HSD17B12: variants seen among roughly 807,000 people sequenced by gnomAD.
HSD17B12 encodes hydroxysteroid 17-beta dehydrogenase 12.
In HSD17B12, 32 loss-of-function variants were observed where a neutral mutation model predicts 39.3. The ratio of observed to expected loss-of-function variants is 0.81; its 90% CI spans 0.61 to 1.09. HSD17B12 has a LOEUF of 1.09. Among genes scored for constraint, HSD17B12 ranks in the 50% least tolerant of loss-of-function variants. The probability of loss-of-function intolerance (pLI) is 0.00; values close to 1 mark genes in which losing one functional copy is unlikely to be tolerated. For missense variants in HSD17B12, 342 were observed against 382.9 expected (o/e 0.89, Z 0.89); for synonymous variants, 150 against 146.7 (o/e 1.02, Z -0.16).
intron 3 of HSD17B12, among the ~76,000 whole-genome samples, chr11:43,762,986 A>C (rs1373935380): frequency 6.6e-6 from 1 of 152,192 alleles, no homozygotes; most frequent in African/African-American, 2.4e-5. Context: ...CTTGATAAAC[A>C]AAGCAGGTCT....
At chr11:43,771,462 CTTTTTTTTTT>C (rs34783257) in intron 3 of HSD17B12, among the ~76,000 whole-genome samples, 8 of 90,640 alleles carry the variant, frequency 8.8e-5, no homozygotes, top group African/African-American at 3.6e-4. Context: ...GACTCATATT[CTTTTTTTTTT>C]TTTTTTTTTT....
chr11:43,757,667 A>AAAAAAC lies in HSD17B12; in HGVS notation c.283+3546_283+3547insAAAAAC, dbSNP rs869271362. ...AAAAAAAAAAAAAAAAAAAAAAAAA[A>AAAAAAC]CAAATAGGTAAAAAACAAACAAATA... is the stretch of plus-strand genomic sequence containing the variant. On this transcript the variant is annotated intron_variant, in intron 3 of 10. Coordinates refer to ENST00000278353, the MANE Select transcript of HSD17B12 (RefSeq NM_016142.3). Among the ~76,000 whole-genome samples the AAAAAAC allele has an allele frequency of 2.8e-5, 4 of 143,296 alleles. 1 individual carries two copies. Among genetic ancestry groups the AAAAAAC allele is most frequent in the African/African-American group, 1.1e-4 (4 of 38,036 alleles). 94.0% of individuals were successfully genotyped at this position (143,296 alleles called of 152,430 possible). A position where few individuals can be genotyped will look rare whatever the true frequency, so the allele number is the denominator to read the frequency against.
chr11:43,749,473 A>G (rs1950445524), intron 1 of HSD17B12, among the ~76,000 whole-genome samples: 1 of 152,152 alleles, frequency 6.6e-6, no homozygotes, highest in Admixed American at 6.5e-5. Context: ...ATAGTTATGA[A>G]TGAAGTGAAA....
the HSD17B12 span, among the ~76,000 whole-genome samples, chr11:43,561,603 T>G: frequency 6.6e-6 from 1 of 152,160 alleles, no homozygotes; most frequent in Non-Finnish European, 1.5e-5. Flanking sequence ...GTTGAGGGAC[T>G]TTGAGAGTTT....
chr11:43,687,248 G>GT (rs1417357781), intron 1 of HSD17B12, among the ~76,000 whole-genome samples: 2 of 152,206 alleles, frequency 1.3e-5, no homozygotes, highest in Non-Finnish European at 2.9e-5. Flanking sequence ...TGAGATTAAG[G>GT]TTAGGGAGGC....
chr11:43,648,101 C>CT, the HSD17B12 span, among the ~76,000 whole-genome samples: 1 of 134,906 alleles, frequency 7.4e-6, no homozygotes, highest in African/African-American at 2.8e-5. Flanking sequence ...ATCTTAAAGC[C>CT]TCAAAAAAAA....
chr11:43,619,521 C>T, the HSD17B12 span, among the ~76,000 whole-genome samples: 80 of 151,254 alleles, frequency 5.3e-4, no homozygotes, highest in African/African-American at 1.9e-3. Context: ...TCCCGAGTAG[C>T]GGGGATTACA....
At chr11:43,789,366 T>C (rs1454790977) in intron 3 of HSD17B12, among the ~76,000 whole-genome samples, 1 of 152,208 alleles carries the variant, frequency 6.6e-6, no homozygotes, top group Non-Finnish European at 1.5e-5. Context: ...AAAACATTTA[T>C]TGAGCTCCTA....
chr11:43,670,990 A>G, the HSD17B12 span, among the ~76,000 whole-genome samples: 1 of 152,178 alleles, frequency 6.6e-6, no homozygotes, highest in African/African-American at 2.4e-5. Flanking sequence ...AGTGTGGGTA[A>G]AGATAACAAA....
chr11:43,632,971 G>A, the HSD17B12 span, among the ~76,000 whole-genome samples: 1 of 151,996 alleles, frequency 6.6e-6, no homozygotes, highest in Non-Finnish European at 1.5e-5. Context: ...AGCATAATAT[G>A]GTATGTTTTG....
chr11:43,635,177 T>C, the HSD17B12 span, among the ~76,000 whole-genome samples: 1 of 152,242 alleles, frequency 6.6e-6, no homozygotes, highest in Non-Finnish European at 1.5e-5. Flanking sequence ...CTTTTGTTTG[T>C]TTGAAAATTT....
the HSD17B12 span, among the ~76,000 whole-genome samples, chr11:43,567,527 A>T: frequency 6.6e-6 from 1 of 152,352 alleles, no homozygotes; most frequent in Non-Finnish European, 1.5e-5. Flanking sequence ...GATTTGTTCT[A>T]TAGAGAAATG....
chr11:43,814,925 T>C (rs1951107513), intron 4 of HSD17B12, among the ~76,000 whole-genome samples: 1 of 152,208 alleles, frequency 6.6e-6, no homozygotes. Context: ...GTATGGCACA[T>C]ATTTTTTGAG....
At chr11:43,726,265 A>C (rs1318479851) in intron 1 of HSD17B12, among the ~76,000 whole-genome samples, 1 of 152,050 alleles carries the variant, frequency 6.6e-6, no homozygotes, top group Non-Finnish European at 1.5e-5. Flanking sequence ...ATTTGCCCTT[A>C]GTGTCTCTAA....
chr11:43,720,751 T>C (rs910739612), intron 1 of HSD17B12, among the ~76,000 whole-genome samples: 1 of 152,202 alleles, frequency 6.6e-6, no homozygotes, highest in Non-Finnish European at 1.5e-5. Context: ...AAGTTTAAAC[T>C]TGGAAGATTT....
At chr11:43,690,257 C>CTT (rs1240598584) in intron 1 of HSD17B12, among the ~76,000 whole-genome samples, 22 of 150,544 alleles carry the variant, frequency 1.5e-4, no homozygotes, top group African/African-American at 5.4e-4. Context: ...AGGCAAGGAT[C>CTT]TTTGTCTTTT....
rs1308091862 is a variant in HSD17B12 at position 43,839,610 on chromosome 11, A to G, written c.619-389A>G. The stretch of plus-strand genomic sequence containing the variant: ...TCTTTTTAGCAACAACAAAATCCCC[A>G]TAGAACAGAGTTGAATGGACTTCAT... On this transcript the variant is annotated intron_variant, in intron 8 of 10. Transcript: ENST00000278353. Among the ~76,000 whole-genome samples the G allele has an allele frequency of 2.6e-5, 4 of 152,268 alleles. No homozygotes were observed. The South Asian group carries it at 8.3e-4, about 32-fold the overall frequency.
chr11:43,645,139 A>C, the HSD17B12 span: 1 of 152,208 alleles, frequency 6.6e-6, no homozygotes, highest in Non-Finnish European at 1.5e-5. Flanking sequence ...GATATTGGGT[A>C]CTGTTTCAAC....
At chr11:43,611,674 G>A in the HSD17B12 span, among the ~76,000 whole-genome samples, 1 of 152,190 alleles carries the variant, frequency 6.6e-6, no homozygotes, top group Non-Finnish European at 1.5e-5. Flanking sequence ...TGACAGCTGG[G>A]GCTGGAGCCA....
Sources: gnomAD v4.1 joint callset for allele counts (sites outside exome capture counted in the v4.1 genomes callset) on GRCh38, gnomAD v4.1.1 for gene constraint, MANE v1.5 for transcripts, NCBI Gene and HGNC (gene_info 2026-07-23, HGNC 2026-07-21) for gene names.